ABCB1: variants seen among roughly 807,000 people sequenced by gnomAD.
The protein encoded by ABCB1 is ATP binding cassette subfamily B member 1, also known as ATP-dependent translocase ABCB1.
ABCB1 carries 69 observed loss-of-function variants against 142.0 expected under a neutral mutation model. The ratio of observed to expected loss-of-function variants is 0.49; its 90% CI spans 0.40 to 0.59. The LOEUF (loss-of-function observed/expected upper bound fraction) is 0.59. Ranked by LOEUF, ABCB1 falls within the 20% of genes least tolerant of loss-of-function variation. The pLI is 0.00. For synonymous variants in ABCB1, 532 were observed against 539.2 expected, an observed-to-expected ratio of 0.99 and a Z score of 0.18; for missense variants, 1,326 against 1,554.7, an observed-to-expected ratio of 0.85 and a Z score of 2.47.
In ABCB1 at chr7:87,533,841, C is replaced by T. The variant is rs28381961; in HGVS notation, c.2482-2344G>A. 1.2e-3 allele frequency among the ~76,000 whole-genome samples: 187 copies of T among 152,274 alleles called. 1 individual carries two copies. Among genetic ancestry groups the T allele is most frequent in the African/African-American group, 4.4e-3 (181 of 41,558 alleles). On this transcript the variant is annotated intron_variant, in intron 20 of 27. Coordinates refer to ENST00000622132, the MANE Select transcript of ABCB1 (RefSeq NM_001348946.2). ...GGCTTTCCTAGGTTGACAATGTTTG[C>T]CAACCTGCTCATTTCCTCTTCCCTG...
intron 1 of ABCB1, among the ~76,000 whole-genome samples, chr7:87,689,826 T>G (rs1302693270): frequency 2.0e-5 from 3 of 152,172 alleles, no homozygotes; most frequent in African/African-American, 7.2e-5. Context: ...GCTAGACGTC[T>G]AATGATAAAT....
At chr7:87,539,400 G>C in intron 18 of ABCB1, 55 bp from the exon 19 acceptor site, 2 of 1,533,978 alleles carry the variant, frequency 1.3e-6, no homozygotes, top group South Asian at 2.2e-5. Flanking sequence ...AATAAAAGGA[G>C]GGAGAATTGA....
chr7:87,651,888 G>T (rs1823610173), intron 1 of ABCB1, among the ~76,000 whole-genome samples: 2 of 152,080 alleles, frequency 1.3e-5, no homozygotes, highest in African/African-American at 4.8e-5. Context: ...TTAAAACGGG[G>T]TTTGTAAAAT....
At chr7:87,554,358 T>C (rs1817225237) in intron 8 of ABCB1, among the ~76,000 whole-genome samples, 1 of 149,184 alleles carries the variant, frequency 6.7e-6, no homozygotes, top group African/African-American at 2.5e-5. Context: ...AAAGGGACAG[T>C]CATTTAAATC....
rs1816425661 is a variant in ABCB1, at chr7:87,539,285, G to A, written c.2380C>T (p.Arg794Ter). 3 of 1,614,106 alleles carry A rather than the reference G, an allele frequency of 1.9e-6. No homozygotes were observed. The highest frequency in any genetic ancestry group is 1.1e-5 in the South Asian group (1 of 91,084). ...LTKRLRYMVF[R>*]SMLRQDVSWF... ...AGACATACCTGTCTGAGCATGGATC[G>A]GAAAACCATGTATCGGAGCCGCTTG... The change falls in exon 19 of 28, where the codon CGA (arginine) becomes TGA (stop). Residue 794 changes from arginine to a stop codon, truncating the protein, a stop_gained. Transcript: ENST00000622132. LOFTEE classifies it high-confidence loss of function.
chr7:87,518,757 A>G (rs1300493544), intron 23 of ABCB1: 1 of 152,650 alleles, frequency 6.6e-6, no homozygotes, highest in Non-Finnish European at 1.5e-5. Flanking sequence ...GTACTTTTGT[A>G]GTATAATTGC....
chr7:87,602,462 T>A (rs1819499035), upstream of ABCB1, among the ~76,000 whole-genome samples: 1 of 152,184 alleles, frequency 6.6e-6, no homozygotes, highest in Non-Finnish European at 1.5e-5. Flanking sequence ...AGCTTTCATC[T>A]TCATTACATG....
At chr7:87,540,577 G>C (rs1300575164) in intron 18 of ABCB1, among the ~76,000 whole-genome samples, 2 of 152,192 alleles carry the variant, frequency 1.3e-5, no homozygotes, top group Non-Finnish European at 2.9e-5. Context: ...AGCCTACTGA[G>C]TAGCTGAGAC....
chr7:87,521,376 C>T (rs1815498000), intron 21 of ABCB1: 1 of 592,664 alleles, frequency 1.7e-6, no homozygotes, highest in African/African-American at 1.8e-5. Flanking sequence ...AAGGCTTACT[C>T]CTCTCTGCCT....
intron 21 of ABCB1, among the ~76,000 whole-genome samples, chr7:87,525,465 AACT>A (rs1305534504): frequency 6.6e-6 from 1 of 152,128 alleles, no homozygotes; most frequent in Admixed American, 6.6e-5. Flanking sequence ...CCAGAAACTT[AACT>A]ACTAATAGCC....
chr7:87,548,903 TAG>T (rs1462535468), intron 14 of ABCB1, among the ~76,000 whole-genome samples: 1 of 152,190 alleles, frequency 6.6e-6, no homozygotes, highest in Non-Finnish European at 1.5e-5. Context: ...TTATTTCGCA[TAG>T]AGTCTTCAAG....
At chr7:87,666,709 C>G (rs1245483534) in intron 1 of ABCB1, among the ~76,000 whole-genome samples, 2 of 152,148 alleles carry the variant, frequency 1.3e-5, no homozygotes, top group African/African-American at 4.8e-5. Flanking sequence ...CCACATATGG[C>G]TATCCAGTTT....
intron 1 of ABCB1, among the ~76,000 whole-genome samples, chr7:87,624,056 TTGTC>T (rs1478301171): frequency 1.3e-5 from 2 of 152,240 alleles, no homozygotes; most frequent in Non-Finnish European, 2.9e-5. Flanking sequence ...AATTAGCTCT[TTGTC>T]TATGATTTGA....
At chr7:87,610,012 C>T (rs1020729119) in intron 1 of ABCB1, among the ~76,000 whole-genome samples, 9 of 152,104 alleles carry the variant, frequency 5.9e-5, no homozygotes, top group African/African-American at 1.7e-4. Flanking sequence ...CTTAATTTAT[C>T]GCATGACCTT....
At chr7:87,519,608 CT>C in intron 22 of ABCB1, 142 bp from the exon 23 acceptor site, 2 of 915,062 alleles carry the variant, frequency 2.2e-6, no homozygotes, top group Non-Finnish European at 3.4e-6. Context: ...TTGGTCCTCA[CT>C]TTACACTTAA....
chr7:87,628,594 T>C (rs1396430607), intron 1 of ABCB1: 5,410 of 148,164 alleles, frequency 0.037, 51 homozygotes, highest in Middle Eastern at 0.068. Flanking sequence ...CGTGTGTGTG[T>C]GTGTGTGTGT....
At chr7:87,663,685 C>G (rs893661883) in intron 1 of ABCB1, among the ~76,000 whole-genome samples, 8 of 152,096 alleles carry the variant, frequency 5.3e-5, no homozygotes, top group Non-Finnish European at 1.0e-4. Context: ...CAATAATAAC[C>G]TAATTCTCTG....
intron 5 of ABCB1, among the ~76,000 whole-genome samples, chr7:87,569,157 A>AC (rs1159221007): frequency 6.6e-6 from 1 of 151,804 alleles, no homozygotes; most frequent in African/African-American, 2.4e-5. Flanking sequence ...ACATGGTGAA[A>AC]CCCCATCTCT....
chr7:87,667,907 T>C (rs538553275), intron 1 of ABCB1, among the ~76,000 whole-genome samples: 49 of 152,282 alleles, frequency 3.2e-4, no homozygotes, highest in Admixed American at 6.5e-4. Context: ...TTGAGGATTT[T>C]TGTATTGATG....
Sources: allele counts gnomAD v4.1 joint callset (sites outside exome capture counted in the v4.1 genomes callset), GRCh38; gene constraint gnomAD v4.1.1; transcripts MANE v1.5; gene names NCBI Gene and HGNC (gene_info 2026-07-23, HGNC 2026-07-21).